The following BRD10 variants were observed in gnomAD, a reference collection of about 807,000 sequenced individuals.
BRD10 encodes the protein bromodomain containing 10, also known as uncharacterized bromodomain-containing protein 10.
chr9:5,920,226 C>T, the BRD10 span: 2 of 1,612,788 alleles, frequency 1.2e-6, no homozygotes, highest in Non-Finnish European at 1.7e-6. Flanking sequence ...CTGTTAAGAA[C>T]TAAGGGGGCT....
chr9:5,918,642 C>CTT, the BRD10 span, among the ~76,000 whole-genome samples: 2,193 of 133,972 alleles, frequency 0.016, 41 homozygotes, highest in African/African-American at 0.023. Context: ...CCGTTAGTGG[C>CTT]TTTTTTTTTT....
chr9:5,899,030 A>G, the BRD10 span: 3 of 152,346 alleles, frequency 2.0e-5, no homozygotes, highest in African/African-American at 7.2e-5. Flanking sequence ...CTGAGTTTAT[A>G]AGCTATAAAA....
the BRD10 span, chr9:5,897,470 A>T: frequency 7.9e-7 from 1 of 1,258,354 alleles, no homozygotes; most frequent in Non-Finnish European, 1.2e-6. Flanking sequence ...GTCAAAGTCC[A>T]TATGAAGAGG....
chr9:5,945,954 G>T, the BRD10 span, among the ~76,000 whole-genome samples: 2 of 151,934 alleles, frequency 1.3e-5, no homozygotes, highest in Non-Finnish European at 2.9e-5. Context: ...GCTTTTATCA[G>T]CCCCAAGTTC....
At chr9:5,971,077 AAAG>A in the BRD10 span, among the ~76,000 whole-genome samples, 3 of 150,622 alleles carry the variant, frequency 2.0e-5, no homozygotes, top group Non-Finnish European at 4.4e-5. Flanking sequence ...AAAAAAAAAA[AAAG>A]GAGAAAGAAA....
chr9:6,006,158 A>G, the BRD10 span, among the ~76,000 whole-genome samples: 1 of 152,232 alleles, frequency 6.6e-6, no homozygotes, highest in Admixed American at 6.5e-5. Flanking sequence ...TTACATTAAA[A>G]TGGCTAACAC....
chr9:5,999,431 G>T, the BRD10 span, among the ~76,000 whole-genome samples: 2 of 151,864 alleles, frequency 1.3e-5, no homozygotes, highest in Non-Finnish European at 2.9e-5. Context: ...CTTTTAACTC[G>T]GAAGTCAAGA....
chr9:5,954,895 C>A, the BRD10 span, among the ~76,000 whole-genome samples: 1 of 152,016 alleles, frequency 6.6e-6, no homozygotes, highest in African/African-American at 2.4e-5. Context: ...CGAGACCAGC[C>A]TAGTTAACAG....
the BRD10 span, among the ~76,000 whole-genome samples, chr9:5,976,617 C>T: frequency 1.3e-5 from 2 of 152,006 alleles, no homozygotes; most frequent in African/African-American, 4.8e-5. Context: ...TTTGGTTATA[C>T]ATATAAGTAA....
chr9:5,940,294 A>T, the BRD10 span, among the ~76,000 whole-genome samples: 1 of 152,128 alleles, frequency 6.6e-6, no homozygotes, highest in Admixed American at 6.5e-5. Flanking sequence ...CCCTAGTTCA[A>T]GCAATTCTCC....
At chr9:5,996,510 G>C in the BRD10 span, among the ~76,000 whole-genome samples, 2 of 152,150 alleles carry the variant, frequency 1.3e-5, no homozygotes, top group South Asian at 2.1e-4. Flanking sequence ...GTAGAGTTGG[G>C]ATTTCACAGG....
At chr9:5,915,419 C>G in the BRD10 span, among the ~76,000 whole-genome samples, 1 of 152,232 alleles carries the variant, frequency 6.6e-6, no homozygotes, top group Non-Finnish European at 1.5e-5. Flanking sequence ...TTGTCCCCAT[C>G]TTAAGTTTGA....
chr9:5,897,925 T>C, the BRD10 span, among the ~76,000 whole-genome samples: 3 of 152,284 alleles, frequency 2.0e-5, 1 homozygote, highest in South Asian at 6.2e-4. Flanking sequence ...TGAAATTCAT[T>C]TGGTTTACAG....
the BRD10 span, among the ~76,000 whole-genome samples, chr9:5,905,977 T>C: frequency 1.3e-5 from 2 of 152,118 alleles, no homozygotes; most frequent in African/African-American, 4.8e-5. Flanking sequence ...TAATTTCAAG[T>C]ATATATAAGC....
chr9:5,960,562 CAAA>C, the BRD10 span, among the ~76,000 whole-genome samples: 24 of 122,334 alleles, frequency 2.0e-4, no homozygotes, highest in Admixed American at 3.3e-4. Flanking sequence ...GACTCTGTCT[CAAA>C]AAAAAAAAAA....
At chr9:6,002,687 C>CTT in the BRD10 span, among the ~76,000 whole-genome samples, 1 of 135,876 alleles carries the variant, frequency 7.4e-6, no homozygotes, top group Non-Finnish European at 1.6e-5. Flanking sequence ...GGATGCTGTA[C>CTT]TTTTTTTTTT....
chr9:6,007,453 T>C, the BRD10 span: 3 of 1,608,112 alleles, frequency 1.9e-6, no homozygotes, highest in South Asian at 1.1e-5. Flanking sequence ...CACCTCCTCC[T>C]CCGCGGTGGC....
the BRD10 span, among the ~76,000 whole-genome samples, chr9:5,958,888 T>C: frequency 6.6e-6 from 1 of 152,222 alleles, no homozygotes; most frequent in Non-Finnish European, 1.5e-5. Context: ...ACTTGTCTTT[T>C]ATTTACTAAA....
chr9:6,008,336 G>A, the BRD10 span: 1 of 984,818 alleles, frequency 1.0e-6, no homozygotes, highest in South Asian at 4.7e-5. Context: ...GGCGACAACT[G>A]TCAGTTAGAA....
Sources: gnomAD v4.1 joint callset for allele counts (sites outside exome capture counted in the v4.1 genomes callset) on GRCh38, gnomAD v4.1.1 for gene constraint, MANE v1.5 for transcripts, NCBI Gene and HGNC (gene_info 2026-07-23, HGNC 2026-07-21) for gene names.